LOXHD1: variants seen among roughly 807,000 people sequenced by gnomAD.
LOXHD1 encodes lipoxygenase homology domain-containing protein 1.
A neutral mutation model predicts 248.2 loss-of-function variants in LOXHD1; 205 were observed. The ratio of observed to expected loss-of-function variants is 0.83; its 90% CI spans 0.74 to 0.93. The LOEUF (loss-of-function observed/expected upper bound fraction) is 0.93, where lower values mean the gene tolerates loss of function less well. Ranked by LOEUF, LOXHD1 falls within the 40% of genes least tolerant of loss-of-function variation. LOXHD1 has a pLI of 0.00. For missense variants in LOXHD1, 2,930 were observed against 2,971.6 expected (o/e 0.99, Z 0.33); for synonymous variants, 1,113 against 1,162.8 (o/e 0.96, Z 0.87).
Position 46,635,617 on chromosome 18 carries a change from G to A in LOXHD1, c.511+3999C>T, listed in dbSNP as rs186127413. 4.0e-3 allele frequency among the ~76,000 whole-genome samples: 610 copies of A among 152,242 alleles called. 2 individuals carry two copies. The highest frequency in any genetic ancestry group is 0.014 in the African/African-American group (581 of 41,522). ...AGGGTACAGTCTGCATACCACTGGT[G>A]GGACATAAGATGCTAGCAATGCTAT... On this transcript the variant is annotated intron_variant, in intron 4 of 40. Transcript: ENST00000642948.
chr18:46,649,121 C>T (rs1346703258), intron 2 of LOXHD1, 34 bp downstream of exon 2: 2 of 1,527,192 alleles, frequency 1.3e-6, no homozygotes, highest in Non-Finnish European at 1.8e-6. Context: ...GGACTAATGG[C>T]CCAGGATCCC....
At chr18:46,569,350 CTG>C (rs1166241409) in intron 16 of LOXHD1, 90 bp downstream of exon 16, 32 of 1,089,318 alleles carry the variant, frequency 2.9e-5, no homozygotes, top group Middle Eastern at 2.7e-4. Context: ...GCGTGTGTGT[CTG>C]TGTGTGGACA....
intron 40 of LOXHD1, among the ~76,000 whole-genome samples, chr18:46,481,144 A>G (rs1455711416): frequency 6.6e-6 from 1 of 152,238 alleles, no homozygotes; most frequent in Non-Finnish European, 1.5e-5. Flanking sequence ...GTGGCAGGAA[A>G]GGAATTGTGG....
At chr18:46,586,460 T>A (rs146620830) in intron 12 of LOXHD1, among the ~76,000 whole-genome samples, 175 of 152,350 alleles carry the variant, frequency 1.1e-3, no homozygotes, top group African/African-American at 3.9e-3. Context: ...TTTGTTTGTT[T>A]CTGAGAAGGA....
chr18:46,653,888 T>G (rs2039144370), intron 1 of LOXHD1, among the ~76,000 whole-genome samples: 1 of 152,234 alleles, frequency 6.6e-6, no homozygotes, highest in Non-Finnish European at 1.5e-5. Flanking sequence ...AGAAGTTACA[T>G]TTCTGGGAAT....
intron 7 of LOXHD1, 66 bp downstream of exon 7, chr18:46,604,040 T>A (rs1042295880): frequency 6.5e-7 from 1 of 1,543,184 alleles, no homozygotes; most frequent in Non-Finnish European, 8.8e-7. Flanking sequence ...GCCCCACAGA[T>A]GCCAACAGCG....
At chr18:46,508,901 T>C (rs745308814) in intron 35 of LOXHD1, among the ~76,000 whole-genome samples, 46 of 152,298 alleles carry the variant, frequency 3.0e-4, no homozygotes, top group Middle Eastern at 3.4e-3. Context: ...GACGCTCTTC[T>C]CTCTGCCCTG....
In LOXHD1 at chr18:46,579,695, C is replaced by T. The variant is rs1414386081; in HGVS notation, c.1744G>A (p.Gly582Arg). 6.4e-7 allele frequency: 1 copy of T among 1,551,800 alleles called. No homozygotes were observed. Among genetic ancestry groups the T allele is most frequent in the Non-Finnish European group, 8.7e-7 (1 of 1,147,016 alleles). Residue 582 changes from glycine to arginine, a missense_variant, in exon 13 of 41, where the codon GGG becomes AGG. By Grantham distance (125) the Gly-to-Arg change is moderately radical. Coordinates refer to ENST00000642948, the MANE Select transcript of LOXHD1 (RefSeq NM_001384474.1). ...TAGAGCAGCCGTTCCCCCGTGTCCC[C>T]CACATCACCAAAAAGGCAGAGATAG... ...NVYLCLFGDV[G>R]DTGERLLYNC...
At chr18:46,571,972 C>T (rs557804046) in intron 15 of LOXHD1, 114 bp downstream of exon 15, 1 of 893,818 alleles carries the variant, frequency 1.1e-6, no homozygotes, top group African/African-American at 1.6e-5. Flanking sequence ...CCTCCCTCCC[C>T]ACTGCCACCT....
intron 37 of LOXHD1, among the ~76,000 whole-genome samples, chr18:46,495,381 A>G (rs2033790354): frequency 6.6e-6 from 1 of 152,142 alleles, no homozygotes; most frequent in African/African-American, 2.4e-5. Context: ...AGCCTGAGGG[A>G]CTTTTTTAAC....
rs1310167898 is a variant in LOXHD1, at chr18:46,566,442, C to T, written c.2252G>A (p.Arg751Gln). ...LETLNIGNINRLVIGHDSTGM... is the reference protein window; with the variant it reads ...LETLNIGNINQLVIGHDSTGM... ...AGTGCTGTCATGCCCAATCACCAGC[C>T]GGTTGATCTGAAGGAAACCCGAGTG... is the stretch of plus-strand genomic sequence containing the variant. The change falls in exon 17 of 41, where the codon CGG becomes CAG. Residue 751 changes from arginine to glutamine, a missense_variant. Physicochemically the swap from Arg to Gln is conservative, Grantham distance 43 (BLOSUM62 1). Transcript: ENST00000642948. The T allele has an allele frequency of 5.2e-6, 8 of 1,549,302 alleles. No individual in the cohort carries two copies. The African/African-American group carries it at 6.8e-5, about 13-fold the overall frequency.
rs1236561032 is a variant in LOXHD1, at chr18:46,485,101, C to T, written c.6100G>A (p.Val2034Ile). The change falls in exon 39 of 41, where the codon GTC becomes ATC. Residue 2034 changes from valine to isoleucine, a missense_variant. By Grantham distance (29) the Val-to-Ile change is conservative. Transcript: ENST00000642948. ...TTCCTGCCCTCCAGGATGAGCCAGACGTTCTCCCTGGTTTCGCCTCCGTTG... is the reference window on the plus strand; with the variant it reads ...TTCCTGCCCTCCAGGATGAGCCAGATGTTCTCCCTGGTTTCGCCTCCGTTG... ...TGNGGETREN[V>I]WLILEGRKNR... 1.7e-5 allele frequency: 26 copies of T among 1,550,064 alleles called. No individual in the cohort carries two copies. Among genetic ancestry groups the T allele is most frequent in the African/African-American group, 8.3e-5 (6 of 72,394 alleles).
chr18:46,601,827 A>T (rs968388431), intron 7 of LOXHD1, among the ~76,000 whole-genome samples: 76 of 152,268 alleles, frequency 5.0e-4, no homozygotes, highest in Non-Finnish European at 4.7e-4. Flanking sequence ...TAGCTGCCAG[A>T]TGAATTCTGT....
rs76801241 is a variant in LOXHD1 at position 46,487,455 on chromosome 18, G to A, written c.6049+1517C>T. ...AACTACAGGGGCATGTGACGGCCATGGAGGAATGCTAGGAGCATAGTTGGG... is the reference window on the plus strand; with the variant it reads ...AACTACAGGGGCATGTGACGGCCATAGAGGAATGCTAGGAGCATAGTTGGG... On this transcript the variant is annotated intron_variant, in intron 38 of 40. Coordinates refer to ENST00000642948, the MANE Select transcript of LOXHD1 (RefSeq NM_001384474.1). Among the ~76,000 whole-genome samples, 1,190 of 152,342 alleles carry A rather than the reference G, an allele frequency of 7.8e-3. 16 individuals carry two copies. Among genetic ancestry groups the A allele is most frequent in the African/African-American group, 0.027 (1,111 of 41,582 alleles).
chr18:46,563,384 C>G (rs999105383), intron 17 of LOXHD1, among the ~76,000 whole-genome samples, 159 bp from the exon 18 acceptor site: 2 of 152,212 alleles, frequency 1.3e-5, no homozygotes, highest in Non-Finnish European at 2.9e-5. Context: ...TAAGCACAAT[C>G]ATTCCCATTT....
At chr18:46,642,760 C>T (rs1277284129) in intron 2 of LOXHD1, among the ~76,000 whole-genome samples, 1 of 152,244 alleles carries the variant, frequency 6.6e-6, no homozygotes, top group Non-Finnish European at 1.5e-5. Flanking sequence ...ACAGAATCCT[C>T]TGGGAGCAGA....
Position 46,524,737 on chromosome 18 carries a change from C to T in LOXHD1, c.4711G>A (p.Gly1571Arg), listed in dbSNP as rs1355300194. 14 of 1,551,630 alleles carry T rather than the reference C, an allele frequency of 9.0e-6. No homozygotes were observed. The highest frequency in any genetic ancestry group is 1.0e-5 in the Non-Finnish European group (12 of 1,147,020). Residue 1571 changes from glycine (G) to arginine (R), a missense_variant, in exon 30 of 41, where the codon GGG becomes AGG. By Grantham distance (125) the Gly-to-Arg change is moderately radical (BLOSUM62 -2). Transcript: ENST00000642948. ...GRWLSLKKEDGRLERLFYEKE... is the reference protein window; with the variant it reads ...GRWLSLKKEDRRLERLFYEKE... ...TCGTAAAAGAGCCTCTCGAGTCGCCCATCCTCCTTCTTCAGGGAGAGCCAG... is the reference window on the plus strand; with the variant it reads ...TCGTAAAAGAGCCTCTCGAGTCGCCTATCCTCCTTCTTCAGGGAGAGCCAG...
intron 37 of LOXHD1, among the ~76,000 whole-genome samples, chr18:46,489,618 C>T (rs955098155): frequency 6.6e-6 from 1 of 152,150 alleles, no homozygotes; most frequent in Admixed American, 6.5e-5. Flanking sequence ...GGTGTCAGCT[C>T]CTCCAAGAAG....
At chr18:46,577,937 T>C (rs2037891726) in intron 13 of LOXHD1, 70 bp from the exon 14 acceptor site, 1 of 1,497,316 alleles carries the variant, frequency 6.7e-7, no homozygotes, top group Non-Finnish European at 9.1e-7. Flanking sequence ...AGGGAAGACA[T>C]AAGCTCAGAT....
Sources: gnomAD v4.1 joint callset for allele counts (sites outside exome capture counted in the v4.1 genomes callset) on GRCh38, gnomAD v4.1.1 for gene constraint, MANE v1.5 for transcripts, NCBI Gene and HGNC (gene_info 2026-07-23, HGNC 2026-07-21) for gene names.